IGFL2: variants seen among roughly 807,000 people sequenced by gnomAD.
IGFL2 encodes IGF like family member 2.
A neutral mutation model predicts 13.9 loss-of-function variants in IGFL2; 7 were observed. The ratio of observed to expected loss-of-function variants is 0.51; its 90% CI spans 0.29 to 0.95. The LOEUF is 0.95. Among genes scored for constraint, IGFL2 ranks in the 40% least tolerant of loss-of-function variants. The pLI is 0.08. For missense variants in IGFL2, 138 were observed against 147.8 expected, an observed-to-expected ratio of 0.93 and a Z score of 0.34; for synonymous variants, 55 against 55.8, an observed-to-expected ratio of 0.99 and a Z score of 0.07.
chr19:46,208,345 C>T, the IGFL2 span: 1 of 152,244 alleles, frequency 6.6e-6, no homozygotes, highest in Non-Finnish European at 1.5e-5. Flanking sequence ...GCTGAGGACT[C>T]AGCAGTGAGC....
chr19:46,170,118 A>G, the IGFL2 span, among the ~76,000 whole-genome samples: 1 of 152,016 alleles, frequency 6.6e-6, no homozygotes, highest in Non-Finnish European at 1.5e-5. Flanking sequence ...TAAAATAGGG[A>G]TAGCTAAATG....
chr19:46,182,726 C>T, the IGFL2 span, among the ~76,000 whole-genome samples: 5 of 152,138 alleles, frequency 3.3e-5, no homozygotes, highest in African/African-American at 9.7e-5. Context: ...CCGAGCAGGA[C>T]TTTGCTGATG....
At chr19:46,212,038 C>T in the IGFL2 span, 1 of 142,900 alleles carries the variant, frequency 7.0e-6, no homozygotes, top group Non-Finnish European at 1.6e-5. Flanking sequence ...GCACACTGTC[C>T]CATTTCTTAA....
At chr19:46,123,777 C>G in the IGFL2 span, 1 of 1,264,200 alleles carries the variant, frequency 7.9e-7, no homozygotes, top group Non-Finnish European at 1.1e-6. Context: ...TGCCACCAGC[C>G]TGACTCTTTT....
At chr19:46,206,134 T>C in the IGFL2 span, among the ~76,000 whole-genome samples, 1 of 152,148 alleles carries the variant, frequency 6.6e-6, no homozygotes. Flanking sequence ...AGAGGGACTC[T>C]TGCATCCACA....
chr19:46,201,958 G>A, the IGFL2 span, among the ~76,000 whole-genome samples: 4 of 152,170 alleles, frequency 2.6e-5, no homozygotes, highest in African/African-American at 4.8e-5. Flanking sequence ...AAGCTGGACC[G>A]GTTGTGAGTG....
chr19:46,124,240 T>C, the IGFL2 span: 5 of 1,609,156 alleles, frequency 3.1e-6, 1 homozygote, highest in Non-Finnish European at 4.2e-6. Context: ...ACCTCTTCCC[T>C]CCTCATTTTT....
chr19:46,116,405 T>C, the IGFL2 span, among the ~76,000 whole-genome samples: 1 of 152,234 alleles, frequency 6.6e-6, no homozygotes, highest in South Asian at 2.1e-4. Context: ...AAATCCTAGA[T>C]TTTAGTAATT....
At chr19:46,136,516 A>T in the IGFL2 span, among the ~76,000 whole-genome samples, 1 of 152,184 alleles carries the variant, frequency 6.6e-6, no homozygotes, top group African/African-American at 2.4e-5. Context: ...ATTATGAATA[A>T]TCTACCAATA....
chr19:46,182,765 C>T, the IGFL2 span, among the ~76,000 whole-genome samples: 1 of 151,990 alleles, frequency 6.6e-6, no homozygotes, highest in African/African-American at 2.4e-5. Flanking sequence ...TCTCCATCCA[C>T]CTGCTGAAGG....
At chr19:46,212,713 T>TTCTCTCTCTCTCTCTCTCTCTC in the IGFL2 span, 52 of 148,712 alleles carry the variant, frequency 3.5e-4, no homozygotes, top group African/African-American at 1.1e-3. Flanking sequence ...TTCTCCTACC[T>TTCTCTCTCTCTCTCTCTCTCTC]TCTCTCTCTC....
downstream of IGFL2, among the ~76,000 whole-genome samples, chr19:46,162,403 T>C (rs1382714052): frequency 1.3e-5 from 2 of 152,252 alleles, no homozygotes; most frequent in Non-Finnish European, 2.9e-5. Flanking sequence ...TTGTTTGCTT[T>C]CTCCCTCTCC....
chr19:46,093,211 T>G, the IGFL2 span, among the ~76,000 whole-genome samples: 1 of 152,138 alleles, frequency 6.6e-6, no homozygotes, highest in African/African-American at 2.4e-5. Flanking sequence ...GGAAATTGCC[T>G]TTATGATTAT....
the IGFL2 span, chr19:46,207,406 G>A: frequency 3.3e-5 from 5 of 151,670 alleles, no homozygotes; most frequent in Admixed American, 3.3e-4. Context: ...TTTTGAGAGG[G>A]AGTCTCACTC....
chr19:46,208,199 C>G, the IGFL2 span: 2 of 152,304 alleles, frequency 1.3e-5, no homozygotes, highest in Non-Finnish European at 2.9e-5. Context: ...CTTCCTCAGT[C>G]ACATCCAGTG....
the IGFL2 span, among the ~76,000 whole-genome samples, chr19:46,172,355 A>G: frequency 0.034 from 5,056 of 150,852 alleles, 123 homozygotes; most frequent in East Asian, 0.071. Context: ...GGAAAATGAT[A>G]ATAATCCATT....
At chr19:46,111,380 T>G in the IGFL2 span, 1 of 152,170 alleles carries the variant, frequency 6.6e-6, no homozygotes, top group East Asian at 1.9e-4. Flanking sequence ...AGTATGTATA[T>G]CTGTTGGATA....
At chr19:46,134,410 TTATGTC>T in the IGFL2 span, among the ~76,000 whole-genome samples, 1 of 152,168 alleles carries the variant, frequency 6.6e-6, no homozygotes, top group African/African-American at 2.4e-5. Context: ...ATTGTGGACT[TTATGTC>T]TATTATTGTT....
the IGFL2 span, among the ~76,000 whole-genome samples, chr19:46,093,769 T>C: frequency 0.013 from 2,013 of 152,300 alleles, 29 homozygotes; most frequent in Middle Eastern, 0.027. Context: ...ACAATTCAAA[T>C]TTGAATTGTT....
Sources: allele counts gnomAD v4.1 joint callset (sites outside exome capture counted in the v4.1 genomes callset), GRCh38; gene constraint gnomAD v4.1.1; transcripts MANE v1.5; gene names NCBI Gene and HGNC (gene_info 2026-07-23, HGNC 2026-07-21).